Variants in FAAP20 observed in about 807,000 individuals in gnomAD.
FAAP20 encodes the protein FA core complex associated protein 20, also known as Fanconi anemia core complex-associated protein 20.
A neutral mutation model predicts 16.2 loss-of-function variants in FAAP20; 12 were observed. That is an observed-to-expected ratio of 0.74 (90% CI 0.48 to 1.20). The LOEUF (loss-of-function observed/expected upper bound fraction) is 1.20, where lower values mean the gene tolerates loss of function less well. Among genes scored for constraint, FAAP20 ranks in the 50% most tolerant of loss-of-function variants. The pLI is 0.00. For synonymous variants in FAAP20, 141 were observed against 110.7 expected, an observed-to-expected ratio of 1.27 and a Z score of -1.72; for missense variants, 288 against 245.8, an observed-to-expected ratio of 1.17 and a Z score of -1.15.
At chr1:2,189,424 C>A, downstream of FAAP20, 1 of 508,126 alleles carries the variant, frequency 2.0e-6, no homozygotes, top group Non-Finnish European at 3.6e-6. Context: ...TCAGCCCGTC[C>A]GCTGTCCACA....
At chr1:2,184,659 A>G, downstream of FAAP20, 1 of 1,613,982 alleles carries the variant, frequency 6.2e-7, no homozygotes. Flanking sequence ...TTTGACACAC[A>G]GTTCACCAGC....
At chr1:2,194,432 G>C (rs1295363759) in intron 1 of FAAP20, among the ~76,000 whole-genome samples, 1 of 148,420 alleles carries the variant, frequency 6.7e-6, no homozygotes, top group Non-Finnish European at 1.5e-5. Context: ...GGGTTAGATG[G>C]GGGGTGCTCA....
chr1:2,189,703 T>C lies in FAAP20; in HGVS notation c.*6A>G, dbSNP rs1307589583. On this transcript the variant is annotated 3_prime_UTR_variant, in exon 4 of 4. Transcript: ENST00000378546. Reference sequence around the variant, plus strand: ...CCGCACTCTGCGCAGGGCTCTTGGATGGCGCTCACCACGTCACGTCTTCTG... The same window carrying C: ...CCGCACTCTGCGCAGGGCTCTTGGACGGCGCTCACCACGTCACGTCTTCTG... The C allele has an allele frequency of 6.2e-7, 1 of 1,607,302 alleles. No homozygotes were observed. Among genetic ancestry groups the C allele is most frequent in the East Asian group, 2.2e-5 (1 of 44,866 alleles).
At chr1:2,198,670 T>G (rs1688920842), upstream of FAAP20, 12 of 1,223,908 alleles carry the variant, frequency 9.8e-6, no homozygotes, top group Non-Finnish European at 1.2e-5. Flanking sequence ...CCTGGGCACA[T>G]GCTGAAGGCA....
rs750029490 is a variant in FAAP20, at chr1:2,193,611, G to C, written c.470+28C>G. 9.5e-6 allele frequency: 15 copies of C among 1,581,456 alleles called. No homozygotes were observed. In the Admixed American group the frequency reaches 2.4e-4, roughly 25 times the overall value. On this transcript the variant is annotated intron_variant, in intron 3 of 3. Transcript: ENST00000378546. Reference sequence around the variant, plus strand: ...GGTTTCCAAACACGGATGGATAACCGGGCCGGGCGCAGGGGTGGCCTACTC... The same window carrying C: ...GGTTTCCAAACACGGATGGATAACCCGGCCGGGCGCAGGGGTGGCCTACTC...
intron 3 of FAAP20, chr1:2,190,037 C>T (rs1243445466): frequency 4.0e-5 from 24 of 602,932 alleles, no homozygotes; most frequent in Non-Finnish European, 9.2e-6. Flanking sequence ...AGCTGTGTCT[C>T]AACAAGCCTC....
upstream of FAAP20, chr1:2,203,436 C>T (rs748803336): frequency 2.6e-5 from 26 of 985,638 alleles, no homozygotes; most frequent in Non-Finnish European, 2.8e-5. Flanking sequence ...GCAGCCTCAC[C>T]GGTGCAGGCC....
At chr1:2,185,158 C>T (rs1003633828), downstream of FAAP20, 10 of 795,816 alleles carry the variant, frequency 1.3e-5, no homozygotes, top group Admixed American at 1.5e-4. Context: ...CGTCAGCGGG[C>T]GCTGCTGGGA....
intron 3 of FAAP20, chr1:2,192,932 A>T: frequency 7.7e-7 from 1 of 1,304,044 alleles, no homozygotes; most frequent in Non-Finnish European, 1.0e-6. Flanking sequence ...TTGGCTGCCA[A>T]CTTTGGACTC....
At position 2,189,561 on chromosome 1, in the gene FAAP20, CAG is replaced by C. The variant is rs1491276207; in HGVS notation, c.*146_*147del. The C allele has an allele frequency of 1.6e-5, 11 of 690,220 alleles. No individual in the cohort carries two copies. The highest frequency in any genetic ancestry group is 2.4e-5 in the Non-Finnish European group (9 of 381,792). 42.8% of individuals were successfully genotyped at this position (690,220 alleles called of 1,614,324 possible). On this transcript the variant is annotated 3_prime_UTR_variant, in exon 4 of 4. Transcript: ENST00000378546. ...AAGCGGCAGACGTTTCATCACAACA[CAG>C]AGACAGACAGGAGCCCGCCCTGCTT...
At chr1:2,187,600 G>A (rs146271630), downstream of FAAP20, among the ~76,000 whole-genome samples, 23 of 152,104 alleles carry the variant, frequency 1.5e-4, no homozygotes, top group East Asian at 3.5e-3. Flanking sequence ...TACCGCGCCC[G>A]GCCTGAAGCC....
upstream of FAAP20, among the ~76,000 whole-genome samples, chr1:2,204,211 G>A (rs571990309): frequency 1.6e-4 from 24 of 152,370 alleles, no homozygotes; most frequent in Admixed American, 1.4e-3. Context: ...TGCAGCCCGC[G>A]TGTGCGGCCA....
At chr1:2,201,021 G>A (rs537904286), upstream of FAAP20, 25 of 1,281,278 alleles carry the variant, frequency 2.0e-5, no homozygotes, top group African/African-American at 1.8e-4. Flanking sequence ...ATGCTGCCTG[G>A]TCCCTGCACC....
chr1:2,195,388 C>G (rs980819413), upstream of FAAP20, among the ~76,000 whole-genome samples: 1 of 152,196 alleles, frequency 6.6e-6, no homozygotes, highest in Non-Finnish European at 1.5e-5. Flanking sequence ...CACCCTGGTG[C>G]CACACTTGGC....
downstream of FAAP20, among the ~76,000 whole-genome samples, chr1:2,189,189 T>C (rs1687879752): frequency 6.7e-6 from 1 of 148,154 alleles, no homozygotes; most frequent in Admixed American, 6.7e-5. Flanking sequence ...TAAAAGTCGC[T>C]GGGTGTGGTG....
chr1:2,185,163 C>A (rs1687390934), downstream of FAAP20: 2 of 772,310 alleles, frequency 2.6e-6, no homozygotes, highest in East Asian at 2.7e-5. Flanking sequence ...GCGGGCGCTG[C>A]TGGGAGCAGA....
At chr1:2,201,867 A>G (rs1021107964), upstream of FAAP20, among the ~76,000 whole-genome samples, 2 of 149,270 alleles carry the variant, frequency 1.3e-5, no homozygotes, top group Non-Finnish European at 3.0e-5. Flanking sequence ...AATACAAAAA[A>G]TTAGCTGGGC....
At chr1:2,201,103 T>C (rs892353694), upstream of FAAP20, 23 of 1,288,422 alleles carry the variant, frequency 1.8e-5, no homozygotes, top group African/African-American at 3.0e-5. Context: ...GTGCATCCCC[T>C]GTGCAGCCGG....
In FAAP20 at chr1:2,205,869, G is replaced by C. The variant is rs565596433; in HGVS notation, n.451+436C>G. ...AGGGCATCGGGAGACACGGGCCTGCGCCCCCTACCCGGGCCCCGGCCCACC... is the reference window on the plus strand; with the variant it reads ...AGGGCATCGGGAGACACGGGCCTGCCCCCCCTACCCGGGCCCCGGCCCACC... On this transcript the variant is annotated intron_variant and non_coding_transcript_variant, in intron 3 of 7. Coordinates refer to the FAAP20 transcript ENST00000469733. Among the ~76,000 whole-genome samples, 13 of 152,352 alleles carry C rather than the reference G, an allele frequency of 8.5e-5. No individual in the cohort carries two copies. In the East Asian group the frequency reaches 2.5e-3, roughly 29 times the overall value.
Sources: gnomAD v4.1 joint callset for allele counts (sites outside exome capture counted in the v4.1 genomes callset) on GRCh38, gnomAD v4.1.1 for gene constraint, MANE v1.5 for transcripts, NCBI Gene and HGNC (gene_info 2026-07-23, HGNC 2026-07-21) for gene names.